FRA10AC1: variants seen among roughly 807,000 people sequenced by gnomAD.
The protein encoded by FRA10AC1 is FRA10A associated CGG repeat 1.
In FRA10AC1, 43 loss-of-function variants were observed where a neutral mutation model predicts 56.5. The ratio of observed to expected loss-of-function variants is 0.76; its 90% CI spans 0.60 to 0.98. The LOEUF is 0.98. FRA10AC1 is among the 50% of genes least tolerant of loss of function. The pLI is 0.00. For synonymous variants in FRA10AC1, 112 were observed against 110.5 expected, an observed-to-expected ratio of 1.01 and a Z score of -0.09; for missense variants, 346 against 351.8, an observed-to-expected ratio of 0.98 and a Z score of 0.13.
chr10:93,672,476 TAAAG>T (rs528284633), intron 12 of FRA10AC1: 68 of 154,752 alleles, frequency 4.4e-4, no homozygotes, highest in Non-Finnish European at 8.7e-4. Flanking sequence ...TAATATGAGA[TAAAG>T]AAAGCAGAGA....
At chr10:93,700,571 A>C (rs1159977736) in intron 1 of FRA10AC1, among the ~76,000 whole-genome samples, 1 of 152,214 alleles carries the variant, frequency 6.6e-6, no homozygotes, top group African/African-American at 2.4e-5. Flanking sequence ...AAGTTAAGTA[A>C]ATCTATTTAC....
chr10:93,681,732 TTAAG>T (rs1478118432), intron 10 of FRA10AC1, 134 bp from the exon 11 acceptor site: 6 of 745,690 alleles, frequency 8.0e-6, no homozygotes, highest in African/African-American at 5.6e-5. Context: ...ATAAGGAACG[TTAAG>T]TGAGACTGTA....
intron 12 of FRA10AC1, chr10:93,672,244 G>C (rs1019416385): frequency 4.1e-6 from 1 of 245,148 alleles, no homozygotes; most frequent in Non-Finnish European, 8.0e-6. Context: ...TCTGAACTTT[G>C]CTCCTAACTG....
chr10:93,687,452 G>C lies in FRA10AC1; in HGVS notation c.466-3C>G. On this transcript the variant is annotated splice_polypyrimidine_tract_variant and splice_region_variant and intron_variant, in intron 7 of 13. Coordinates refer to ENST00000359204, the MANE Select transcript of FRA10AC1 (RefSeq NM_145246.5). ...TCTACTCGCCACCTAAATCCAAACT[G>C]ATAATAAAAAAATTACATTTATGCC... is the stretch of plus-strand genomic sequence containing the variant. The C allele has an allele frequency of 2.7e-6, 4 of 1,505,008 alleles. No homozygotes were observed. The highest frequency in any genetic ancestry group is 3.6e-6 in the Non-Finnish European group (4 of 1,111,484). The allele number at this position is 1,505,008 out of a possible 1,614,324, so 93.2% of individuals were successfully genotyped here. A position where few individuals can be genotyped will look rare whatever the true frequency, so the allele number is the denominator to read the frequency against.
intron 11 of FRA10AC1, among the ~76,000 whole-genome samples, chr10:93,678,593 G>A (rs1841560664): frequency 6.6e-6 from 1 of 152,116 alleles, no homozygotes; most frequent in Non-Finnish European, 1.5e-5. Context: ...CACTTTGGGG[G>A]GCCAAGGTGA....
At chr10:93,676,859 A>C (rs1235779113) in intron 11 of FRA10AC1, among the ~76,000 whole-genome samples, 168 bp from the exon 12 acceptor site, 1 of 152,160 alleles carries the variant, frequency 6.6e-6, no homozygotes, top group Non-Finnish European at 1.5e-5. Context: ...CCCTCATTAA[A>C]ATGTTACGTT....
intron 7 of FRA10AC1, among the ~76,000 whole-genome samples, chr10:93,690,597 G>A (rs2059109409): frequency 6.6e-6 from 1 of 151,954 alleles, no homozygotes; most frequent in Non-Finnish European, 1.5e-5. Flanking sequence ...ATGGTATTAG[G>A]AGGTGGGGAA....
chr10:93,669,959 T>C lies in FRA10AC1; in HGVS notation c.906-91A>G, dbSNP rs957803811. ...TGAGATTAATAAAAATAAAATACTT[T>C]AAGTCAACATATTGGCTGATTCTGC... On this transcript the variant is annotated intron_variant, in intron 13 of 13. Transcript: ENST00000359204. 4.6e-6 allele frequency: 3 copies of C among 653,344 alleles called. No homozygotes were observed. In the East Asian group the frequency reaches 9.0e-5, roughly 20 times the overall value. The allele number at this position is 653,344 out of a possible 1,614,324, so 40.5% of individuals were successfully genotyped here. A position where few individuals can be genotyped will look rare whatever the true frequency, so the allele number is the denominator to read the frequency against.
intron 4 of FRA10AC1, among the ~76,000 whole-genome samples, chr10:93,695,398 AT>A (rs2059214973): frequency 6.6e-6 from 1 of 151,812 alleles, no homozygotes; most frequent in Admixed American, 6.5e-5. Context: ...TTTTATAATT[AT>A]ATTTATAATT....
In FRA10AC1 at chr10:93,676,664, T is replaced by C. The variant is rs777045735; in HGVS notation, c.815A>G (p.Asp272Gly). 3 of 1,566,032 alleles carry C rather than the reference T, an allele frequency of 1.9e-6. No homozygotes were observed. The highest frequency in any genetic ancestry group is 2.6e-6 in the Non-Finnish European group (3 of 1,161,154). The change falls in exon 12 of 14, where the codon GAT (aspartate) becomes GGT (glycine). Residue 272 changes from aspartate (D) to glycine (G), a missense_variant. Coordinates refer to ENST00000359204, the MANE Select transcript of FRA10AC1 (RefSeq NM_145246.5). ...CACTTGTTACTTACTAAGTAGAGAA[T>C]CTTCAGATTTCTTTGAAGATGAATG... ...KGHSSSKKSE[D>G]SLLRNSDEEE...
chr10:93,685,522 T>A (rs1005395292), intron 8 of FRA10AC1, 163 bp from the exon 9 acceptor site: 1 of 453,696 alleles, frequency 2.2e-6, no homozygotes, highest in Non-Finnish European at 3.8e-6. Flanking sequence ...TATACAAGTA[T>A]CAAATCAAAG....
At chr10:93,679,707 A>G (rs77392512) in intron 11 of FRA10AC1, among the ~76,000 whole-genome samples, 128 of 152,246 alleles carry the variant, frequency 8.4e-4, no homozygotes, top group African/African-American at 2.8e-3. Context: ...ATCAGCCTAA[A>G]AACAACAGGA....
rs2059161290 is a variant in FRA10AC1, at chr10:93,693,493, T to TATATATATATATACACC, written c.297-765_297-764insGGTGTATATATATATAT. Among the ~76,000 whole-genome samples, 6 of 40,876 alleles carry TATATATATATATACACC rather than the reference T, an allele frequency of 1.5e-4. 1 individual carries two copies. Among genetic ancestry groups the TATATATATATATACACC allele is most frequent in the African/African-American group, 3.0e-4 (6 of 20,160 alleles). The allele number at this position is 40,876 out of a possible 152,430, so 26.8% of individuals were successfully genotyped here. On this transcript the variant is annotated intron_variant, in intron 5 of 13. Transcript: ENST00000359204. ...AATGTGGTGTGTGTGTATATATATA[T>TATATATATATATACACC]ATATATATATATATACACCATATAT...
At position 93,675,529 on chromosome 10, in the gene FRA10AC1, A is replaced by AC. The variant is rs1355864498; in HGVS notation, c.826+1123dup. The AC allele has an allele frequency of 1.7e-5, 3 of 171,692 alleles. 1 individual carries two copies. The highest frequency in any genetic ancestry group is 2.1e-4 in the South Asian group (2 of 9,632). 10.6% of individuals were successfully genotyped at this position (171,692 alleles called of 1,614,324 possible). A position where few individuals can be genotyped will look rare whatever the true frequency, so the allele number is the denominator to read the frequency against. On this transcript the variant is annotated intron_variant, in intron 12 of 13. Coordinates refer to ENST00000359204, the MANE Select transcript of FRA10AC1 (RefSeq NM_145246.5). ...AGACCAGCCTGGCCAACATGGTGAA[A>AC]CCCCATCTCTACTAAATACACAAAA...
chr10:93,672,091 TA>T, intron 12 of FRA10AC1: 1 of 449,766 alleles, frequency 2.2e-6, no homozygotes, highest in Admixed American at 2.5e-5. Context: ...ATTATTAGTC[TA>T]AAAAAGAAAT....
intron 1 of FRA10AC1, among the ~76,000 whole-genome samples, chr10:93,701,466 T>A (rs1032101898): frequency 6.6e-6 from 1 of 152,194 alleles, no homozygotes; most frequent in Non-Finnish European, 1.5e-5. Flanking sequence ...ATAAGATAGC[T>A]ACATGAAATA....
At chr10:93,680,309 G>A (rs1270993678) in intron 11 of FRA10AC1, among the ~76,000 whole-genome samples, 2 of 152,060 alleles carry the variant, frequency 1.3e-5, no homozygotes, top group African/African-American at 4.8e-5. Context: ...AACATTTATT[G>A]GTTAAAATTT....
chr10:93,688,480 G>A (rs1386764415), intron 7 of FRA10AC1, among the ~76,000 whole-genome samples: 1 of 152,120 alleles, frequency 6.6e-6, no homozygotes, highest in Non-Finnish European at 1.5e-5. Context: ...AATACCAAGA[G>A]TGAACCCTAA....
chr10:93,702,185 G>C (rs1011716252), intron 1 of FRA10AC1, among the ~76,000 whole-genome samples, 190 bp downstream of exon 1: 5 of 148,212 alleles, frequency 3.4e-5, no homozygotes, highest in Admixed American at 1.4e-4. Context: ...TCAGGCCTAC[G>C]AATCAACTGA....
Sources: allele counts gnomAD v4.1 joint callset (sites outside exome capture counted in the v4.1 genomes callset), GRCh38; gene constraint gnomAD v4.1.1; transcripts MANE v1.5; gene names NCBI Gene and HGNC (gene_info 2026-07-23, HGNC 2026-07-21).